The following PDE12 variants were observed in gnomAD, a reference collection of about 807,000 sequenced individuals.
The protein encoded by PDE12 is phosphodiesterase 12, also known as 2',5'-phosphodiesterase 12.
PDE12 carries 26 observed loss-of-function variants against 45.4 expected under a neutral mutation model. That is an observed-to-expected ratio of 0.57 (90% CI 0.42 to 0.79). The LOEUF (loss-of-function observed/expected upper bound fraction) is 0.79. Among genes scored for constraint, PDE12 ranks in the 30% least tolerant of loss-of-function variants. PDE12 has a pLI of 0.00. For missense variants in PDE12, 668 were observed against 790.0 expected, an observed-to-expected ratio of 0.85 and a Z score of 1.85; for synonymous variants, 283 against 323.9, an observed-to-expected ratio of 0.87 and a Z score of 1.36.
the PDE12 span, among the ~76,000 whole-genome samples, chr3:57,601,094 G>T: frequency 6.6e-6 from 1 of 151,866 alleles, no homozygotes; most frequent in African/African-American, 2.4e-5. Flanking sequence ...TACTACACTA[G>T]GTAGTATGTT....
the PDE12 span, among the ~76,000 whole-genome samples, chr3:57,640,803 T>A: frequency 6.6e-6 from 1 of 152,004 alleles, no homozygotes; most frequent in African/African-American, 2.4e-5. Context: ...ATTTAAAAAA[T>A]TTTCTCATAT....
the PDE12 span, among the ~76,000 whole-genome samples, chr3:57,611,922 A>G: frequency 6.6e-6 from 1 of 152,204 alleles, no homozygotes; most frequent in African/African-American, 2.4e-5. Context: ...GCTGCTATAA[A>G]GATGTTATAG....
downstream of PDE12, among the ~76,000 whole-genome samples, chr3:57,569,478 G>T (rs558428539): frequency 1.3e-5 from 2 of 151,850 alleles, no homozygotes; most frequent in African/African-American, 4.8e-5. Flanking sequence ...TCAGCCTCTC[G>T]AGTAGCTGGG....
the PDE12 span, among the ~76,000 whole-genome samples, chr3:57,616,577 G>T: frequency 6.6e-6 from 1 of 152,166 alleles, no homozygotes; most frequent in African/African-American, 2.4e-5. Context: ...TAAAAATGTA[G>T]TTAAACACCA....
the PDE12 span, chr3:57,626,866 G>T: frequency 6.6e-6 from 1 of 152,530 alleles, no homozygotes; most frequent in Non-Finnish European, 1.5e-5. Context: ...CCATGACAGT[G>T]ACTCAGGCGA....
chr3:57,581,691 T>C, the PDE12 span, among the ~76,000 whole-genome samples: 2 of 152,080 alleles, frequency 1.3e-5, no homozygotes, highest in African/African-American at 4.8e-5. Flanking sequence ...TCCCAGCTAC[T>C]TGGGAGGCTG....
the PDE12 span, chr3:57,575,492 A>G: frequency 6.6e-7 from 1 of 1,510,496 alleles, no homozygotes; most frequent in Non-Finnish European, 8.9e-7. Flanking sequence ...AGCTTACACA[A>G]CTATCCTAGT....
chr3:57,596,367 C>G, the PDE12 span, among the ~76,000 whole-genome samples: 21 of 152,170 alleles, frequency 1.4e-4, 1 homozygote, highest in South Asian at 1.2e-3. Flanking sequence ...GCTTAAAAAC[C>G]TAGGAGAATA....
chr3:57,567,752 G>C (rs1407434168), downstream of PDE12, among the ~76,000 whole-genome samples: 1 of 152,098 alleles, frequency 6.6e-6, no homozygotes, highest in Non-Finnish European at 1.5e-5. Context: ...ACATCCAGAA[G>C]TACAAGCTAC....
rs1222561591 is a variant in PDE12 at position 57,556,648 on chromosome 3, C to T, written c.269C>T (p.Ala90Val). 1.2e-6 allele frequency: 2 copies of T among 1,600,784 alleles called. No individual in the cohort carries two copies. The highest frequency in any genetic ancestry group is 8.5e-7 in the Non-Finnish European group (1 of 1,170,816). ...TNALKGHAKAAAAKKSRKSRP... is the reference protein window; with the variant it reads ...TNALKGHAKAVAAKKSRKSRP... ...GCCCTAAAGGGTCACGCTAAGGCGG[C>T]CGCCGCCAAGAAGAGCAGGAAGAGC... Residue 90 changes from alanine to valine, a missense_variant, in exon 1 of 3, where the codon GCC (alanine) becomes GTC (valine). Ala to Val is a moderately conservative substitution (Grantham distance 64, BLOSUM62 0). Transcript: ENST00000311180. This position sits in a 1 kb window ranked among gnomAD's most constrained non-coding sequence, Gnocchi z 5.0.
chr3:57,617,786 G>A, the PDE12 span, among the ~76,000 whole-genome samples: 38 of 151,466 alleles, frequency 2.5e-4, no homozygotes, highest in South Asian at 7.9e-3. Flanking sequence ...GGGACCCCTT[G>A]AGCCTGGGAG....
chr3:57,576,139 CA>C, the PDE12 span, among the ~76,000 whole-genome samples: 2 of 149,652 alleles, frequency 1.3e-5, no homozygotes, highest in Non-Finnish European at 3.0e-5. Context: ...ATGAAATATA[CA>C]AAAAAAAAGT....
At chr3:57,595,315 T>G in the PDE12 span, among the ~76,000 whole-genome samples, 1 of 152,234 alleles carries the variant, frequency 6.6e-6, no homozygotes, top group Non-Finnish European at 1.5e-5. Context: ...CATAACCATA[T>G]ATTGTTAAAT....
the PDE12 span, chr3:57,626,005 T>A: frequency 1.3e-5 from 2 of 152,618 alleles, no homozygotes; most frequent in Non-Finnish European, 2.9e-5. Context: ...TGAAAAATAA[T>A]AAGATGACCA....
Position 57,557,494 on chromosome 3 carries a change from G to A in PDE12, c.1115G>A (p.Gly372Glu), listed in dbSNP as rs1384419929. 6.2e-7 allele frequency: 1 copy of A among 1,614,002 alleles called. No homozygotes were observed. The change falls in exon 1 of 3, where the codon GGG becomes GAG. Residue 372 changes from glycine (G) to glutamate (E), a missense_variant. By Grantham distance (98) the Gly-to-Glu change is moderately conservative (BLOSUM62 -2). Around this residue, in one of 3 missense-constraint regions of PDE12, gnomAD observed 580 missense variants for 662.9 expected, o/e 0.87. Transcript: ENST00000311180. ...GCCCTAGAGGCCTTCGGGCTCGAGG[G>A]GGTGTTTCGAATCAAGCAGCACGAA... ...VPALEAFGLE[G>E]VFRIKQHEGL...
At chr3:57,574,069 G>A in the PDE12 span, among the ~76,000 whole-genome samples, 24 of 152,266 alleles carry the variant, frequency 1.6e-4, no homozygotes, top group African/African-American at 5.5e-4. Context: ...AGCCTCCAGA[G>A]TAGCTGGGCT....
the PDE12 span, among the ~76,000 whole-genome samples, chr3:57,605,601 T>C: frequency 1.3e-5 from 2 of 152,184 alleles, no homozygotes; most frequent in Non-Finnish European, 2.9e-5. Flanking sequence ...GTCATTTAAC[T>C]ACATCCTAGA....
chr3:57,634,558 C>A, the PDE12 span: 1 of 1,351,760 alleles, frequency 7.4e-7, no homozygotes, highest in East Asian at 2.5e-5. Context: ...AACTAATTAC[C>A]TTCTGTAATT....
chr3:57,590,015 C>T, the PDE12 span, among the ~76,000 whole-genome samples: 3 of 149,494 alleles, frequency 2.0e-5, no homozygotes, highest in East Asian at 2.0e-4. Context: ...TGCTTGAACC[C>T]GGGAGGTGGA....
Sources: gnomAD v4.1 joint callset for allele counts (sites outside exome capture counted in the v4.1 genomes callset) on GRCh38, gnomAD v4.1.1 for gene constraint, gnomAD v4.1.1 regional missense constraint, Gnocchi (gnomAD v3.1) non-coding constraint, MANE v1.5 for transcripts, NCBI Gene and HGNC (gene_info 2026-07-23, HGNC 2026-07-21) for gene names.